Variants in PAK6 observed in about 807,000 individuals in gnomAD.
The protein encoded by PAK6 is serine/threonine-protein kinase PAK 6.
PAK6 carries 33 observed loss-of-function variants against 60.8 expected under a neutral mutation model. The ratio of observed to expected loss-of-function variants is 0.54; its 90% CI spans 0.41 to 0.73. The LOEUF (loss-of-function observed/expected upper bound fraction) is 0.73. Among genes scored for constraint, PAK6 ranks in the 30% least tolerant of loss-of-function variants. The pLI, the probability that PAK6 is intolerant of heterozygous loss-of-function variation, is 0.00. For synonymous variants in PAK6, 404 were observed against 378.5 expected, an observed-to-expected ratio of 1.07 and a Z score of -0.78; for missense variants, 845 against 904.1, an observed-to-expected ratio of 0.93 and a Z score of 0.84.
At position 40,273,338 on chromosome 15, in the gene PAK6, C is replaced by CT; in HGVS notation, c.1491-7dup. ...TCTTTCATCGGGTGGCCCCACCTTCCTGTCCAGGCTGAATGAGGAGCAGAT... is the reference window on the plus strand; with the variant it reads ...TCTTTCATCGGGTGGCCCCACCTTCCTTGTCCAGGCTGAATGAGGAGCAGAT... On this transcript the variant is annotated splice_polypyrimidine_tract_variant and splice_region_variant and intron_variant, in intron 7 of 10. Coordinates refer to ENST00000560346, the Ensembl canonical transcript of PAK6. The CT allele has an allele frequency of 6.2e-7, 1 of 1,612,840 alleles. No homozygotes were observed. The highest frequency in any genetic ancestry group is 1.3e-5 in the African/African-American group (1 of 75,046).
chr15:40,242,666 G>A (rs557725925), intron 2 of PAK6, among the ~76,000 whole-genome samples: 14 of 152,200 alleles, frequency 9.2e-5, no homozygotes, highest in Non-Finnish European at 1.8e-4. Context: ...CTCCTGCCCA[G>A]GGCGAGCAGT....
intron 3 of PAK6, among the ~76,000 whole-genome samples, chr15:40,255,532 C>T (rs1411895281): frequency 6.6e-6 from 1 of 152,194 alleles, no homozygotes; most frequent in African/African-American, 2.4e-5. Context: ...ATGAGGGCCA[C>T]AACCTGCGTC....
chr15:40,255,808 A>T (rs1228243138), intron 3 of PAK6, among the ~76,000 whole-genome samples: 1 of 152,124 alleles, frequency 6.6e-6, no homozygotes, highest in Non-Finnish European at 1.5e-5. Context: ...AATGAGTTCT[A>T]GCAGAGTGCG....
chr15:40,265,782 G>T, intron 4 of PAK6, 60 bp from the exon 5 acceptor site: 1 of 1,462,888 alleles, frequency 6.8e-7, no homozygotes. Flanking sequence ...TGATCTCCCA[G>T]CCACCCCTCC....
At position 40,275,280 on chromosome 15, in the gene PAK6, G is replaced by GTTTTCTTTTTTTTTTTTTTTTTTTTT. The variant is rs1448905930; in HGVS notation, c.1879-643_1879-642insCTTTTTTTTTTTTTTTTTTTTTTTTT. Among the ~76,000 whole-genome samples, 13 of 56,486 alleles carry GTTTTCTTTTTTTTTTTTTTTTTTTTT rather than the reference G, an allele frequency of 2.3e-4. 3 individuals are homozygous for GTTTTCTTTTTTTTTTTTTTTTTTTTT. Among genetic ancestry groups the GTTTTCTTTTTTTTTTTTTTTTTTTTT allele is most frequent in the Admixed American group, 1.1e-3 (4 of 3,532 alleles). The allele number at this position is 56,486 out of a possible 152,430, so 37.1% of individuals were successfully genotyped here. ...GACTTGTTTGTTTCTGTTGTTGTTG[G>GTTTTCTTTTTTTTTTTTTTTTTTTTT]TTTTTTTTTTTTTTTTTTTTTTGGA... On this transcript the variant is annotated intron_variant, in intron 10 of 10. Coordinates refer to ENST00000560346, the Ensembl canonical transcript of PAK6.
chr15:40,264,835 A>G, exon 4 of PAK6: 1 of 1,613,944 alleles, frequency 6.2e-7, no homozygotes, highest in South Asian at 1.1e-5. Context: ...GCGCCACAGA[A>G]CTTCCAGCAC....
At chr15:40,273,744 G>A (rs1159320471) in intron 9 of PAK6, 68 bp downstream of exon 9, 1 of 1,577,070 alleles carries the variant, frequency 6.3e-7, no homozygotes, top group Non-Finnish European at 8.6e-7. Flanking sequence ...TTCTGCTGTG[G>A]CCCCTCCAGT....
intron 2 of PAK6, among the ~76,000 whole-genome samples, chr15:40,244,375 G>A (rs992734470): frequency 1.4e-5 from 2 of 146,502 alleles, no homozygotes; most frequent in Non-Finnish European, 3.0e-5. Flanking sequence ...CCATCTCAGA[G>A]ACTTTTGTTT....
chr15:40,276,024 T>G (rs542450558), exon 11 of PAK6: 1 of 1,612,576 alleles, frequency 6.2e-7, no homozygotes, highest in African/African-American at 1.3e-5. Flanking sequence ...CCCTTCCTGC[T>G]GCAGACAGGG....
exon 4 of PAK6, chr15:40,264,787 T>C: frequency 6.2e-7 from 1 of 1,613,674 alleles, no homozygotes; most frequent in Non-Finnish European, 8.5e-7. Flanking sequence ...ACAGGCACCA[T>C]GTTCCGCAAG....
chr15:40,276,159 G>T (rs1012840108), exon 11 of PAK6: 2 of 1,486,582 alleles, frequency 1.3e-6, no homozygotes, highest in East Asian at 2.3e-5. Flanking sequence ...CCAGCCTGCC[G>T]GCAGGACTTG....
Position 40,239,484 on chromosome 15 carries a change from C to G in PAK6, c.-519C>G, listed in dbSNP as rs963158567. The G allele has an allele frequency of 2.6e-5, 4 of 152,638 alleles. No individual in the cohort carries two copies. In the East Asian group the frequency reaches 7.7e-4, roughly 29 times the overall value. The allele number at this position is 152,638 out of a possible 1,614,324, so 9.5% of individuals were successfully genotyped here. A position where few individuals can be genotyped will look rare whatever the true frequency, so the allele number is the denominator to read the frequency against. ...GCCCCTTCTAGCTCTCCCCTCCCTA[C>G]CTTGGGCTCCAGGAAGATGGGACTT... On this transcript the variant is annotated 5_prime_UTR_variant, in exon 1 of 11. Coordinates refer to ENST00000560346, the Ensembl canonical transcript of PAK6.
At chr15:40,274,246 C>T (rs774088079) in exon 10 of PAK6, 2 of 1,610,480 alleles carry the variant, frequency 1.2e-6, no homozygotes, top group Non-Finnish European at 8.5e-7. Flanking sequence ...TCCGGGACAG[C>T]CCCCCACCCA....
In PAK6 at chr15:40,273,596, G is replaced by A. The variant is rs141761526; in HGVS notation, c.1663G>A (p.Val555Ile). ...ATTCTGTGCTCAGATCAGCAAAGAC[G>A]TCCCTAAGAGGAAGTCCCTGGTGGG... The change falls in exon 9 of 11, where the codon GTC becomes ATC. Residue 555 changes from valine to isoleucine, a missense_variant. By Grantham distance (29) the Val-to-Ile change is conservative. Coordinates refer to ENST00000560346, the Ensembl canonical transcript of PAK6. 5.3e-5 allele frequency: 85 copies of A among 1,614,050 alleles called. No homozygotes were observed. The Middle Eastern group carries it at 1.3e-3, about 25-fold the overall frequency.
chr15:40,249,804 G>A (rs934450145), intron 2 of PAK6, among the ~76,000 whole-genome samples: 1 of 152,266 alleles, frequency 6.6e-6, no homozygotes, highest in Non-Finnish European at 1.5e-5. Flanking sequence ...TAACCGGGAA[G>A]TGCCTGCCCC....
chr15:40,268,524 C>T (rs1256578777), intron 5 of PAK6, among the ~76,000 whole-genome samples: 2 of 152,278 alleles, frequency 1.3e-5, no homozygotes, highest in East Asian at 3.9e-4. Context: ...CCCAGGAGTC[C>T]CCAGATCAAG....
At chr15:40,272,755 T>C (rs1344301706) in intron 6 of PAK6, 34 bp downstream of exon 6, 1 of 1,576,970 alleles carries the variant, frequency 6.3e-7, no homozygotes, top group Admixed American at 1.7e-5. Context: ...GACGGGGGCG[T>C]TGGGGATGGG....
At chr15:40,241,225 G>A (rs899346385) in intron 2 of PAK6, among the ~76,000 whole-genome samples, 6 of 152,170 alleles carry the variant, frequency 3.9e-5, no homozygotes, top group African/African-American at 1.4e-4. Flanking sequence ...TGGGGACATC[G>A]GGCCCAGTGA....
chr15:40,275,905 T>C, intron 10 of PAK6, 22 bp from the exon 11 acceptor site: 1 of 1,590,630 alleles, frequency 6.3e-7, no homozygotes, highest in Non-Finnish European at 8.6e-7. Flanking sequence ...TGTGGCTTCA[T>C]CTTACTGCCC....
Sources: gnomAD v4.1 joint callset for allele counts (sites outside exome capture counted in the v4.1 genomes callset) on GRCh38, gnomAD v4.1.1 for gene constraint, MANE v1.5 for transcripts, NCBI Gene and HGNC (gene_info 2026-07-23, HGNC 2026-07-21) for gene names.